Variants in CAB39 observed in about 807,000 individuals in gnomAD.
CAB39 encodes calcium binding protein 39, also known as calcium-binding protein 39.
A neutral mutation model predicts 40.0 loss-of-function variants in CAB39; 8 were observed. The observed-to-expected ratio is 0.20, with a 90% CI of 0.12 to 0.36. The LOEUF is 0.36. Ranked by LOEUF, CAB39 falls within the 10% of genes least tolerant of loss-of-function variation. The pLI is 1.00. For synonymous variants in CAB39, 156 were observed against 141.6 expected (o/e 1.10, Z -0.72); for missense variants, 270 against 401.1 (o/e 0.67, Z 2.79).
At chr2:230,816,231 C>A (rs1696398015) in intron 7 of CAB39, among the ~76,000 whole-genome samples, 1 of 152,156 alleles carries the variant, frequency 6.6e-6, no homozygotes, top group Non-Finnish European at 1.5e-5. Flanking sequence ...CAAGATTGTG[C>A]CACTGCACTC....
intron 1 of CAB39, among the ~76,000 whole-genome samples, chr2:230,744,064 C>T (rs920449466): frequency 1.3e-5 from 2 of 151,892 alleles, no homozygotes; most frequent in African/African-American, 4.8e-5. Flanking sequence ...GGATTACAGG[C>T]ATCTGCCACC....
intron 1 of CAB39, chr2:230,752,088 G>A (rs926164489): frequency 2.0e-4 from 24 of 120,082 alleles, no homozygotes; most frequent in African/African-American, 3.0e-4. Flanking sequence ...CTAGCAGAAG[G>A]ATATGCTTAT....
At chr2:230,796,297 T>C (rs1695985672) in intron 4 of CAB39, among the ~76,000 whole-genome samples, 1 of 152,246 alleles carries the variant, frequency 6.6e-6, no homozygotes, top group Non-Finnish European at 1.5e-5. Context: ...CTGCTAATAC[T>C]AGCATGCATT....
chr2:230,784,064 T>G (rs1032263999), intron 2 of CAB39, among the ~76,000 whole-genome samples: 2 of 152,218 alleles, frequency 1.3e-5, no homozygotes, highest in Non-Finnish European at 2.9e-5. Context: ...GTACACGATA[T>G]ATTAATCTAG....
At chr2:230,740,726 G>A (rs1694861776) in intron 1 of CAB39, among the ~76,000 whole-genome samples, 1 of 152,146 alleles carries the variant, frequency 6.6e-6, no homozygotes, top group African/African-American at 2.4e-5. Flanking sequence ...CTGACAGTAG[G>A]CAGAGCTCAG....
At position 230,755,566 on chromosome 2, in the gene CAB39, T is replaced by TG. The variant is rs1695174499; in HGVS notation, c.-43-4392dup. Among the ~76,000 whole-genome samples, 5 of 152,344 alleles carry TG rather than the reference T, an allele frequency of 3.3e-5. No individual in the cohort carries two copies. In the South Asian group the frequency reaches 1.0e-3, roughly 32 times the overall value. On this transcript the variant is annotated intron_variant, in intron 1 of 8. Transcript: ENST00000258418. ...AGTCCTTTGTCAGATGTATAGATTG[T>TG]GAAGATTTTCTCCCACTCTGTGGGT...
At chr2:230,803,611 AACAG>A (rs1398668061) in intron 5 of CAB39, among the ~76,000 whole-genome samples, 11 of 152,174 alleles carry the variant, frequency 7.2e-5, no homozygotes, top group South Asian at 2.1e-4. Flanking sequence ...ATACACCAAT[AACAG>A]ACAGAGAGCC....
chr2:230,744,144 C>G (rs1694931923), intron 1 of CAB39, among the ~76,000 whole-genome samples: 1 of 152,096 alleles, frequency 6.6e-6, no homozygotes, highest in Admixed American at 6.5e-5. Context: ...CTCTGGAACT[C>G]CTGACCTCAA....
At chr2:230,742,615 A>G (rs528710961) in intron 1 of CAB39, among the ~76,000 whole-genome samples, 6 of 152,266 alleles carry the variant, frequency 3.9e-5, no homozygotes, top group African/African-American at 1.4e-4. Context: ...TAATTATTCG[A>G]TATCCTACAA....
At chr2:230,778,712 C>A (rs1695637003) in intron 2 of CAB39, among the ~76,000 whole-genome samples, 1 of 152,116 alleles carries the variant, frequency 6.6e-6, no homozygotes, top group South Asian at 2.1e-4. Flanking sequence ...ATTTGAAGTC[C>A]TGTTACACGT....
chr2:230,790,196 CT>C (rs1394737832), intron 2 of CAB39, among the ~76,000 whole-genome samples: 2 of 151,922 alleles, frequency 1.3e-5, no homozygotes, highest in Admixed American at 6.6e-5. Flanking sequence ...GAGCTGTGAT[CT>C]CACCACTGCA....
chr2:230,722,435 G>A (rs1694471423), intron 1 of CAB39, among the ~76,000 whole-genome samples: 1 of 152,198 alleles, frequency 6.6e-6, no homozygotes, highest in African/African-American at 2.4e-5. Flanking sequence ...GGGATTACAG[G>A]CTTGAGCCAC....
chr2:230,794,719 G>T lies in CAB39; in HGVS notation c.398+1388G>T, dbSNP rs57329393. On this transcript the variant is annotated intron_variant, in intron 4 of 8. Coordinates refer to ENST00000258418, the MANE Select transcript of CAB39 (RefSeq NM_016289.4). ...ACCTCCTTTGTTGTGAAAAATATACGTACAACTAGAGGGAATATGTAACAT... is the reference window on the plus strand; with the variant it reads ...ACCTCCTTTGTTGTGAAAAATATACTTACAACTAGAGGGAATATGTAACAT... Among the ~76,000 whole-genome samples, 143 of 152,214 alleles carry T rather than the reference G, an allele frequency of 9.4e-4. 2 individuals are homozygous for T. In the East Asian group the frequency reaches 0.026, roughly 28 times the overall value.
chr2:230,747,931 T>A (rs1695004295), intron 1 of CAB39, among the ~76,000 whole-genome samples: 1 of 152,228 alleles, frequency 6.6e-6, no homozygotes, highest in Middle Eastern at 3.2e-3. Flanking sequence ...AGGATATTTT[T>A]TACATACGTC....
chr2:230,715,596 T>G (rs1694334298), intron 1 of CAB39, among the ~76,000 whole-genome samples: 1 of 152,206 alleles, frequency 6.6e-6, no homozygotes, highest in Non-Finnish European at 1.5e-5. Flanking sequence ...CCATATAGGT[T>G]AACTATTTTT....
intron 1 of CAB39, among the ~76,000 whole-genome samples, chr2:230,739,238 A>G (rs1694836124): frequency 6.6e-6 from 1 of 152,234 alleles, no homozygotes; most frequent in Admixed American, 6.5e-5. Context: ...TAAAATGTGG[A>G]CATTGATTAA....
At chr2:230,796,512 T>A (rs1209955986) in intron 4 of CAB39, among the ~76,000 whole-genome samples, 12 of 152,206 alleles carry the variant, frequency 7.9e-5, no homozygotes, top group Admixed American at 7.9e-4. Context: ...CAAACTGTCT[T>A]ACCCTTGTCT....
chr2:230,771,129 T>C (rs1398321700), intron 2 of CAB39, among the ~76,000 whole-genome samples: 1 of 150,154 alleles, frequency 6.7e-6, no homozygotes, highest in Non-Finnish European at 1.5e-5. Context: ...CATGATCATC[T>C]ACATAGAAAA....
At chr2:230,789,975 C>G (rs1027215725) in intron 2 of CAB39, among the ~76,000 whole-genome samples, 2 of 152,138 alleles carry the variant, frequency 1.3e-5, no homozygotes, top group African/African-American at 4.8e-5. Context: ...TGGCTCACAC[C>G]TGTAATCCCA....
Sources: allele counts gnomAD v4.1 joint callset (sites outside exome capture counted in the v4.1 genomes callset), GRCh38; gene constraint gnomAD v4.1.1; transcripts MANE v1.5; gene names NCBI Gene and HGNC (gene_info 2026-07-23, HGNC 2026-07-21).